AK9: variants seen among roughly 807,000 people sequenced by gnomAD.
AK9 encodes the protein adenylate kinase 9.
Under a neutral mutation model 239.6 loss-of-function variants are expected in AK9, and 191 were observed. The observed-to-expected ratio is 0.80, with a 90% CI of 0.71 to 0.90. The LOEUF is 0.90. AK9 is among the 40% of genes least tolerant of loss of function. The pLI is 0.00. For synonymous variants in AK9, 689 were observed against 721.0 expected, an observed-to-expected ratio of 0.96 and a Z score of 0.71; for missense variants, 1,995 against 2,214.7, an observed-to-expected ratio of 0.90 and a Z score of 1.99.
At chr6:109,614,661 A>G (rs1251841836) in intron 13 of AK9, among the ~76,000 whole-genome samples, 181 bp from the exon 14 acceptor site, 1 of 152,154 alleles carries the variant, frequency 6.6e-6, no homozygotes, top group African/African-American at 2.4e-5. Flanking sequence ...TTCTAGGCAA[A>G]ATGAGGATCT....
chr6:109,556,744 T>C (rs1785049128), intron 24 of AK9, among the ~76,000 whole-genome samples: 1 of 151,926 alleles, frequency 6.6e-6, no homozygotes, highest in African/African-American at 2.4e-5. Flanking sequence ...GCAGGTCTTA[T>C]TTCAGTAAGG....
At chr6:109,644,795 G>T in intron 8 of AK9, 107 bp from the exon 9 acceptor site, 2 of 871,624 alleles carry the variant, frequency 2.3e-6, no homozygotes, top group Non-Finnish European at 3.4e-6. Context: ...TAAATTGTTT[G>T]CCTTATACAT....
At chr6:109,598,212 A>C (rs1791332439) in intron 17 of AK9, among the ~76,000 whole-genome samples, 1 of 146,766 alleles carries the variant, frequency 6.8e-6, no homozygotes, top group African/African-American at 2.6e-5. Flanking sequence ...TCCTAATGCT[A>C]TCCCTCCCCC....
intron 24 of AK9, among the ~76,000 whole-genome samples, chr6:109,561,479 A>C (rs1254510633): frequency 6.6e-6 from 1 of 151,536 alleles, no homozygotes; most frequent in African/African-American, 2.4e-5. Context: ...ATGCCTGGTT[A>C]ATTTTTGTAT....
chr6:109,681,347 G>C (rs1036577545), intron 1 of AK9, among the ~76,000 whole-genome samples: 1 of 152,188 alleles, frequency 6.6e-6, no homozygotes, highest in Admixed American at 6.5e-5. Context: ...AAGAGACAAA[G>C]AAGGTCATTA....
chr6:109,599,590 A>C (rs1204269825), intron 17 of AK9, among the ~76,000 whole-genome samples: 3 of 94,284 alleles, frequency 3.2e-5, no homozygotes, highest in East Asian at 7.0e-4. Context: ...ACTTTAAAGT[A>C]GTTTTTTCCA....
intron 17 of AK9, among the ~76,000 whole-genome samples, chr6:109,606,133 T>A (rs573528844): frequency 2.2e-4 from 34 of 152,318 alleles, no homozygotes; most frequent in African/African-American, 7.9e-4. Flanking sequence ...ACATTACTCA[T>A]TCTTCTATCC....
At chr6:109,629,098 G>GATTTT (rs896775130) in intron 12 of AK9, among the ~76,000 whole-genome samples, 11 of 152,148 alleles carry the variant, frequency 7.2e-5, no homozygotes, top group African/African-American at 2.4e-4. Flanking sequence ...AATTTTTCAT[G>GATTTT]ATTTTATTTT....
chr6:109,657,671 G>A (rs1273811737), intron 7 of AK9, among the ~76,000 whole-genome samples: 1 of 151,812 alleles, frequency 6.6e-6, no homozygotes, highest in Non-Finnish European at 1.5e-5. Context: ...TTTACATTAG[G>A]TATATCTCCT....
intron 17 of AK9, among the ~76,000 whole-genome samples, chr6:109,599,832 A>G (rs1040365024): frequency 1.3e-5 from 2 of 152,008 alleles, no homozygotes; most frequent in Non-Finnish European, 2.9e-5. Context: ...ATTCTCTTTG[A>G]AGCAATTGTG....
chr6:109,508,061 TG>T (rs1458882487), intron 33 of AK9, among the ~76,000 whole-genome samples: 41 of 152,352 alleles, frequency 2.7e-4, no homozygotes, highest in African/African-American at 8.9e-4. Flanking sequence ...GCTGTGATTC[TG>T]GGGGCTGCCC....
In AK9 at chr6:109,651,248, GA is replaced by G. The variant is rs879464048; in HGVS notation, c.759+5507del. On this transcript the variant is annotated intron_variant, in intron 8 of 40. Coordinates refer to ENST00000424296, the MANE Select transcript of AK9 (RefSeq NM_001145128.3). ...AAGAATAATAATAATACAATTAAAA[GA>G]AAAAAAAAAGAAACTCACTAAAAGC... 5.0e-3 allele frequency among the ~76,000 whole-genome samples: 721 copies of G among 144,546 alleles called. 2 individuals carry two copies. Among genetic ancestry groups the G allele is most frequent in the South Asian group, 9.4e-3 (43 of 4,590 alleles). The allele number at this position is 144,546 out of a possible 152,430, so 94.8% of individuals were successfully genotyped here. A position where few individuals can be genotyped will look rare whatever the true frequency, so the allele number is the denominator to read the frequency against.
chr6:109,551,352 C>G (rs1399958633), intron 24 of AK9, among the ~76,000 whole-genome samples: 4 of 151,934 alleles, frequency 2.6e-5, no homozygotes, highest in African/African-American at 7.3e-5. Context: ...AACCCCTTCT[C>G]TACTGAAAAT....
intron 1 of AK9, among the ~76,000 whole-genome samples, chr6:109,688,549 G>C (rs901986928): frequency 6.6e-6 from 1 of 152,180 alleles, no homozygotes; most frequent in Non-Finnish European, 1.5e-5. Flanking sequence ...GCGCTAGCTT[G>C]GGATTGTGTG....
intron 17 of AK9, among the ~76,000 whole-genome samples, chr6:109,598,196 T>C (rs1791330289): frequency 6.6e-6 from 1 of 151,858 alleles, no homozygotes; most frequent in African/African-American, 2.4e-5. Flanking sequence ...TTACATTAGG[T>C]ATATCTCCTA....
At chr6:109,557,276 G>T (rs551336572) in intron 24 of AK9, among the ~76,000 whole-genome samples, 28 of 152,136 alleles carry the variant, frequency 1.8e-4, no homozygotes, top group African/African-American at 6.5e-4. Context: ...GTTTGCTGGG[G>T]GTTCACTTCA....
At chr6:109,531,443 C>T (rs1385952014) in intron 28 of AK9, among the ~76,000 whole-genome samples, 2 of 152,030 alleles carry the variant, frequency 1.3e-5, no homozygotes, top group East Asian at 1.9e-4. Context: ...ATTCTTAAAG[C>T]ATGTGATATC....
At position 109,515,923 on chromosome 6, in the gene AK9, A is replaced by G; in HGVS notation, c.3999T>C (p.Leu1333=). The change falls in exon 31 of 41, where the codon CTT becomes CTC. Residue 1333 remains leucine (L), a synonymous_variant. Coordinates refer to ENST00000424296, the MANE Select transcript of AK9 (RefSeq NM_001145128.3). ...AGGTAAAGGTGAGCATTTTCTGGGC[A>G]AGGGGTGCTGGTATTGGATGACATT... ...FEKCHPIPAP[L]AQKMLTFTYK... 6.4e-7 allele frequency: 1 copy of G among 1,551,794 alleles called. No individual in the cohort carries two copies.
rs759603352 is a variant in AK9, at chr6:109,509,266, T to C, written c.4394A>G (p.His1465Arg). Residue 1465 changes from histidine to arginine, a missense_variant, in exon 33 of 41, where the codon CAT becomes CGT. His to Arg is a conservative substitution (Grantham distance 29). Transcript: ENST00000424296. ...AGGTGCTGTCATTCCTTTATGAAGA[T>C]GCCAATTTAACATAAGTGCCAGCTC... ...ETELALMLNW[H>R]LHKGMTAPDE... is the part of the protein sequence containing the mutation. 11 of 1,551,914 alleles carry C rather than the reference T, an allele frequency of 7.1e-6. No homozygotes were observed. The highest frequency in any genetic ancestry group is 5.9e-5 in the South Asian group (5 of 84,070).
Sources: gnomAD v4.1 joint callset for allele counts (sites outside exome capture counted in the v4.1 genomes callset) on GRCh38, gnomAD v4.1.1 for gene constraint, MANE v1.5 for transcripts, NCBI Gene and HGNC (gene_info 2026-07-23, HGNC 2026-07-21) for gene names.